Variants in SCAF11 observed in about 807,000 individuals in gnomAD.
SCAF11 encodes the protein protein SCAF11.
Under a neutral mutation model 140.5 loss-of-function variants are expected in SCAF11, and 47 were observed. The ratio of observed to expected loss-of-function variants is 0.33; its 90% CI spans 0.26 to 0.43. The LOEUF (loss-of-function observed/expected upper bound fraction) is 0.43. Ranked by LOEUF, SCAF11 falls within the 20% of genes least tolerant of loss-of-function variation. SCAF11 has a pLI of 1.00. For synonymous variants in SCAF11, 557 were observed against 579.4 expected (o/e 0.96, Z 0.55); for missense variants, 1,645 against 1,705.1 (o/e 0.96, Z 0.62).
chr12:45,983,361 T>C (rs570335025), intron 1 of SCAF11, among the ~76,000 whole-genome samples: 1 of 152,078 alleles, frequency 6.6e-6, no homozygotes, highest in Non-Finnish European at 1.5e-5. Flanking sequence ...CACATAGATA[T>C]CAACAAACCT....
chr12:45,947,486 C>T (rs1008844238), intron 5 of SCAF11, among the ~76,000 whole-genome samples: 2 of 152,080 alleles, frequency 1.3e-5, no homozygotes, highest in African/African-American at 2.4e-5. Context: ...GAAAGCAGTA[C>T]GTGAAGGTTA....
chr12:45,972,979 G>GATATATAGATATAGATATATAGATAT (rs1946141852), intron 1 of SCAF11, among the ~76,000 whole-genome samples: 1 of 128,360 alleles, frequency 7.8e-6, no homozygotes, highest in Non-Finnish European at 1.5e-5. Context: ...TAGATATATA[G>GATATATAGATATAGATATATAGATAT]ATATATAGAT....
intron 3 of SCAF11, among the ~76,000 whole-genome samples, chr12:45,959,022 T>C (rs1313345175): frequency 2.6e-5 from 4 of 152,230 alleles, no homozygotes; most frequent in African/African-American, 9.6e-5. Context: ...AGTCCTTTTT[T>C]GGTGCTTGAT....
At chr12:45,938,995 C>A (rs1945235258) in intron 6 of SCAF11, among the ~76,000 whole-genome samples, 1 of 148,028 alleles carries the variant, frequency 6.8e-6, no homozygotes, top group Non-Finnish European at 1.5e-5. Flanking sequence ...ATTCAGTTAT[C>A]TAGTATGACA....
chr12:45,969,286 A>G (rs1946021782), intron 1 of SCAF11, among the ~76,000 whole-genome samples: 1 of 152,144 alleles, frequency 6.6e-6, no homozygotes, highest in South Asian at 2.1e-4. Flanking sequence ...AATGTAAACT[A>G]TTCTTTAGCC....
intron 1 of SCAF11, among the ~76,000 whole-genome samples, chr12:45,989,611 CTTT>C (rs1565699360): frequency 1.3e-5 from 2 of 152,202 alleles, no homozygotes; most frequent in Non-Finnish European, 2.9e-5. Flanking sequence ...TGTAGGAAAT[CTTT>C]TTAATGGTTC....
chr12:45,967,423 C>T (rs1027999922), intron 1 of SCAF11, among the ~76,000 whole-genome samples: 1 of 152,102 alleles, frequency 6.6e-6, no homozygotes, highest in African/African-American at 2.4e-5. Context: ...GCGGGAGGAG[C>T]GTCTGAGATC....
Position 45,948,419 on chromosome 12 carries a change from CTAAAGT to C in SCAF11, c.398+12_398+17del, listed in dbSNP as rs778991619. ...TGTTCCACTCATTTGCATTCCACTTCTAAAGTTAATCACTAACCTTATACAGCTTTT... is the reference window on the plus strand; with the variant it reads ...TGTTCCACTCATTTGCATTCCACTTCTAATCACTAACCTTATACAGCTTTT... On this transcript the variant is annotated intron_variant, in intron 5 of 14. Coordinates refer to ENST00000369367, the MANE Select transcript of SCAF11 (RefSeq NM_004719.3). 1.3e-6 allele frequency: 2 copies of C among 1,529,700 alleles called. No individual in the cohort carries two copies. The highest frequency in any genetic ancestry group is 3.4e-5 in the Admixed American group (2 of 58,264). 94.8% of individuals were successfully genotyped at this position (1,529,700 alleles called of 1,614,324 possible). A position where few individuals can be genotyped will look rare whatever the true frequency, so the allele number is the denominator to read the frequency against.
At chr12:45,965,887 T>C (rs1243298877) in intron 1 of SCAF11, among the ~76,000 whole-genome samples, 2 of 152,186 alleles carry the variant, frequency 1.3e-5, no homozygotes, top group Admixed American at 6.5e-5. Flanking sequence ...AAACTAACCA[T>C]AAAAGCAGAA....
chr12:45,983,306 A>G (rs1382946663), intron 1 of SCAF11, among the ~76,000 whole-genome samples: 1 of 152,164 alleles, frequency 6.6e-6, no homozygotes. Flanking sequence ...TCAAAAAAGA[A>G]GGCCTGATTA....
intron 6 of SCAF11, chr12:45,944,938 A>C (rs1444948212): frequency 3.4e-6 from 1 of 294,958 alleles, no homozygotes; most frequent in African/African-American, 2.2e-5. Flanking sequence ...ATCTCCCCCA[A>C]GGACTTCTGC....
At chr12:45,944,438 G>A (rs1945374262) in intron 6 of SCAF11, among the ~76,000 whole-genome samples, 1 of 151,922 alleles carries the variant, frequency 6.6e-6, no homozygotes, top group Non-Finnish European at 1.5e-5. Flanking sequence ...CCAACAACTT[G>A]GTATTCATAG....
At chr12:45,949,841 T>C (rs1383184142) in intron 4 of SCAF11, among the ~76,000 whole-genome samples, 1 of 152,200 alleles carries the variant, frequency 6.6e-6, no homozygotes, top group Non-Finnish European at 1.5e-5. Flanking sequence ...GACAGAATTT[T>C]AGAAGCATCC....
At position 45,922,171 on chromosome 12, in the gene SCAF11, T is replaced by G; in HGVS notation, c.4269A>C (p.Glu1423Asp). The G allele has an allele frequency of 6.2e-7, 1 of 1,611,904 alleles. No homozygotes were observed. Among genetic ancestry groups the G allele is most frequent in the Non-Finnish European group, 8.5e-7 (1 of 1,179,482 alleles). Residue 1423 changes from glutamate to aspartate, a missense_variant, in exon 15 of 15, where the codon GAA becomes GAC. Coordinates refer to ENST00000369367, the MANE Select transcript of SCAF11 (RefSeq NM_004719.3). ...VDKVCHSKSG[E>D]VNSTKVANLV... ...GATTTGCCACTTTAGTAGAATTTAC[T>G]TCTCCACTCTTACTATGACAAACCT... is the stretch of plus-strand genomic sequence containing the variant.
In SCAF11 at chr12:45,931,500, C is replaced by T; in HGVS notation, c.841+6G>A. ...TTAAAATAGAAAATGATTTCACAAA[C>T]TTTACCAAAATGTTCGAAAGATATG... On this transcript the variant is annotated splice_donor_region_variant and intron_variant, in intron 10 of 14. Coordinates refer to ENST00000369367, the MANE Select transcript of SCAF11 (RefSeq NM_004719.3). 7.4e-7 allele frequency: 1 copy of T among 1,358,336 alleles called. No individual in the cohort carries two copies. Among genetic ancestry groups the T allele is most frequent in the Non-Finnish European group, 9.7e-7 (1 of 1,027,418 alleles). The allele number at this position is 1,358,336 out of a possible 1,614,324, so 84.1% of individuals were successfully genotyped here.
chr12:45,928,434 G>A lies in SCAF11; in HGVS notation c.1267C>T (p.His423Tyr). 3 of 1,612,480 alleles carry A rather than the reference G, an allele frequency of 1.9e-6. No individual in the cohort carries two copies. Among genetic ancestry groups the A allele is most frequent in the Non-Finnish European group, 2.5e-6 (3 of 1,178,728 alleles). ...SDTSPVLEKE[H>Y]QPDVDSSNIC... ...TTACTACTGTCTACATCTGGTTGGT[G>A]CTCTTTTTCTAACACAGGTGATGTG... Residue 423 changes from histidine (H) to tyrosine (Y), a missense_variant, in exon 11 of 15, where the codon CAC (histidine) becomes TAC (tyrosine). By Grantham distance (83) the His-to-Tyr change is moderately conservative. Transcript: ENST00000369367.
chr12:45,954,244 T>A (rs879506717), intron 3 of SCAF11, among the ~76,000 whole-genome samples: 1 of 152,168 alleles, frequency 6.6e-6, no homozygotes, highest in African/African-American at 2.4e-5. Context: ...ATTTTTTTTA[T>A]TTTTTGAGAC....
chr12:45,954,740 T>C (rs1393140658), intron 3 of SCAF11: 1 of 148,382 alleles, frequency 6.7e-6, no homozygotes, highest in Non-Finnish European at 1.5e-5. Flanking sequence ...TAGCTTTTTT[T>C]TTTTTTTTTT....
chr12:45,934,040 CA>C (rs202244513), intron 8 of SCAF11, 135 bp downstream of exon 8: 191 of 521,614 alleles, frequency 3.7e-4, no homozygotes, highest in South Asian at 1.0e-3. Context: ...CCCCCCCGCC[CA>C]AAAAAAAACT....
Sources: allele counts gnomAD v4.1 joint callset (sites outside exome capture counted in the v4.1 genomes callset), GRCh38; gene constraint gnomAD v4.1.1; transcripts MANE v1.5; gene names NCBI Gene and HGNC (gene_info 2026-07-23, HGNC 2026-07-21).